Variants in SCNN1G observed in about 807,000 individuals in gnomAD.
SCNN1G encodes the protein sodium channel epithelial 1 subunit gamma.
SCNN1G carries 27 observed loss-of-function variants against 64.6 expected under a neutral mutation model. The observed-to-expected ratio is 0.42, with a 90% CI of 0.31 to 0.58. The LOEUF (loss-of-function observed/expected upper bound fraction) is 0.58. SCNN1G is among the 20% of genes least tolerant of loss of function. SCNN1G has a pLI of 0.18. For synonymous variants in SCNN1G, 330 were observed against 314.2 expected, an observed-to-expected ratio of 1.05 and a Z score of -0.53; for missense variants, 743 against 823.4, an observed-to-expected ratio of 0.90 and a Z score of 1.19.
chr16:23,186,163 C>T, intron 1 of SCNN1G, 65 bp from the exon 2 acceptor site: 2 of 1,019,898 alleles, frequency 2.0e-6, no homozygotes, highest in Non-Finnish European at 3.1e-6. Context: ...AGACTGTGGT[C>T]TCCAGGGACA....
chr16:23,199,768 T>A (rs1333129952), intron 6 of SCNN1G, among the ~76,000 whole-genome samples: 11 of 147,864 alleles, frequency 7.4e-5, no homozygotes, highest in Non-Finnish European at 1.5e-4. Context: ...ACATCCCAGG[T>A]TCATGCCACT....
intron 4 of SCNN1G, among the ~76,000 whole-genome samples, chr16:23,192,958 A>G (rs1270257827): frequency 1.3e-5 from 2 of 149,586 alleles, no homozygotes; most frequent in Non-Finnish European, 3.0e-5. Flanking sequence ...AGTCCCAGCT[A>G]TTCAGGAGAC....
chr16:23,197,504 G>A, intron 6 of SCNN1G, 77 bp downstream of exon 6: 2 of 1,331,570 alleles, frequency 1.5e-6, no homozygotes, highest in Non-Finnish European at 2.2e-6. Flanking sequence ...ATGGGGTGCA[G>A]CTTATGGAAA....
chr16:23,204,326 T>TAC (rs1159328841), intron 6 of SCNN1G, among the ~76,000 whole-genome samples: 8 of 56,208 alleles, frequency 1.4e-4, no homozygotes, highest in Non-Finnish European at 2.4e-4. Context: ...TATATATATA[T>TAC]ATATATATAG....
chr16:23,204,518 A>G (rs1357147893), intron 6 of SCNN1G, among the ~76,000 whole-genome samples: 1 of 147,120 alleles, frequency 6.8e-6, no homozygotes, highest in Non-Finnish European at 1.5e-5. Flanking sequence ...ATATACATAT[A>G]TAATATATAT....
chr16:23,210,347 G>A (rs911212337), intron 7 of SCNN1G, among the ~76,000 whole-genome samples: 1 of 152,132 alleles, frequency 6.6e-6, no homozygotes, highest in Admixed American at 6.5e-5. Flanking sequence ...GAAAGTCAAG[G>A]AATTTCACAA....
At chr16:23,194,309 C>A in intron 5 of SCNN1G, 35 bp downstream of exon 5, 1 of 1,399,678 alleles carries the variant, frequency 7.1e-7, no homozygotes, top group Non-Finnish European at 1.0e-6. Flanking sequence ...TCTTGAGGCC[C>A]TCCAATAGTG....
At chr16:23,183,392 A>G (rs747870030) in intron 1 of SCNN1G, among the ~76,000 whole-genome samples, 30 of 152,170 alleles carry the variant, frequency 2.0e-4, no homozygotes, top group Non-Finnish European at 1.6e-4. Context: ...TGATTTCTGC[A>G]CAGGACTCGC....
At chr16:23,202,181 C>T (rs1959900751) in intron 6 of SCNN1G, among the ~76,000 whole-genome samples, 1 of 148,006 alleles carries the variant, frequency 6.8e-6, no homozygotes. Context: ...ACCTTTTCTG[C>T]CTGGTTCCAA....
At chr16:23,186,032 C>G (rs1334401406) in intron 1 of SCNN1G, among the ~76,000 whole-genome samples, 196 bp from the exon 2 acceptor site, 1 of 152,200 alleles carries the variant, frequency 6.6e-6, no homozygotes, top group African/African-American at 2.4e-5. Flanking sequence ...TCTCTGGCAG[C>G]TGTGGTGGCC....
At position 23,193,069 on chromosome 16, in the gene SCNN1G, CAAAAAAAAAAAA is replaced by C. The variant is rs56318076; in HGVS notation, c.809+544_809+555del. Among the ~76,000 whole-genome samples, 11 of 69,116 alleles carry C rather than the reference CAAAAAAAAAAAA, an allele frequency of 1.6e-4. 1 individual carries two copies. The highest frequency in any genetic ancestry group is 1.4e-3 in the East Asian group (3 of 2,092). 45.3% of individuals were successfully genotyped at this position (69,116 alleles called of 152,430 possible). On this transcript the variant is annotated intron_variant, in intron 4 of 12. Transcript: ENST00000300061. Reference sequence around the variant, plus strand: ...GGGCTGCAGAGTGAGACTCTTGTCTCAAAAAAAAAAAAAAAAAAAAAAAAAAAACCCAACCCA... The same window carrying C: ...GGGCTGCAGAGTGAGACTCTTGTCTCAAAAAAAAAAAAAAAACCCAACCCA...
At chr16:23,183,126 G>T (rs909606888) in intron 1 of SCNN1G, among the ~76,000 whole-genome samples, 2 of 152,262 alleles carry the variant, frequency 1.3e-5, no homozygotes, top group African/African-American at 4.8e-5. Flanking sequence ...CTTCCCTGCC[G>T]GGGTGAGTCG....
At chr16:23,195,606 A>C (rs1212742245) in intron 5 of SCNN1G, among the ~76,000 whole-genome samples, 1 of 152,222 alleles carries the variant, frequency 6.6e-6, no homozygotes, top group African/African-American at 2.4e-5. Flanking sequence ...TTTCATGGGG[A>C]AGAAGTAATC....
intron 1 of SCNN1G, among the ~76,000 whole-genome samples, chr16:23,184,424 CTTT>C (rs1001704502): frequency 6.6e-5 from 10 of 152,066 alleles, no homozygotes; most frequent in African/African-American, 2.4e-4. Context: ...TTTCCTTCTT[CTTT>C]ATTTCATTTT....
At chr16:23,196,874 A>C (rs935994995) in intron 5 of SCNN1G, among the ~76,000 whole-genome samples, 6 of 152,192 alleles carry the variant, frequency 3.9e-5, no homozygotes, top group Non-Finnish European at 8.8e-5. Flanking sequence ...CTCTTCTCTG[A>C]GTGCCCACCC....
At chr16:23,209,954 A>G (rs1395127829) in intron 7 of SCNN1G, 106 bp downstream of exon 7, 7 of 792,572 alleles carry the variant, frequency 8.8e-6, no homozygotes, top group Non-Finnish European at 1.3e-5. Context: ...TCTGGTGAGG[A>G]TCCCTGGGGT....
In SCNN1G at chr16:23,197,207, A is replaced by G. The variant is rs779434878; in HGVS notation, c.914-57A>G. 2.1e-4 allele frequency: 316 copies of G among 1,470,480 alleles called. 1 individual carries two copies. The highest frequency in any genetic ancestry group is 2.9e-4 in the Non-Finnish European group (302 of 1,052,834). The allele number at this position is 1,470,480 out of a possible 1,614,324, so 91.1% of individuals were successfully genotyped here. A position where few individuals can be genotyped will look rare whatever the true frequency, so the allele number is the denominator to read the frequency against. Reference sequence around the variant, plus strand: ...CCTGAAGCAGTGGGAGAGGTGGTTTACCCCCAGGAAATGTTTTCCTAGCCT... The same window carrying G: ...CCTGAAGCAGTGGGAGAGGTGGTTTGCCCCCAGGAAATGTTTTCCTAGCCT... On this transcript the variant is annotated intron_variant, in intron 5 of 12. Coordinates refer to ENST00000300061, the MANE Select transcript of SCNN1G (RefSeq NM_001039.4).
chr16:23,195,942 C>CCCTCTTT (rs1959788750), intron 5 of SCNN1G: 1 of 152,238 alleles, frequency 6.6e-6, no homozygotes, highest in Non-Finnish European at 1.5e-5. Flanking sequence ...GGAGTTTCTC[C>CCCTCTTT]TGTTTGCCAG....
At chr16:23,199,324 T>C (rs1446652666) in intron 6 of SCNN1G, among the ~76,000 whole-genome samples, 1 of 152,234 alleles carries the variant, frequency 6.6e-6, no homozygotes, top group East Asian at 1.9e-4. Flanking sequence ...AAAAGATTCA[T>C]AGTCTTCCAT....
Sources: gnomAD v4.1 joint callset for allele counts (sites outside exome capture counted in the v4.1 genomes callset) on GRCh38, gnomAD v4.1.1 for gene constraint, MANE v1.5 for transcripts, NCBI Gene and HGNC (gene_info 2026-07-23, HGNC 2026-07-21) for gene names.